Variants in PRKN observed in about 807,000 individuals in gnomAD.
The protein encoded by PRKN is parkin RBR E3 ubiquitin protein ligase, also known as E3 ubiquitin-protein ligase parkin.
A neutral mutation model predicts 59.5 loss-of-function variants in PRKN; 56 were observed. That is an observed-to-expected ratio of 0.94 (90% CI 0.76 to 1.18). The LOEUF is 1.18. PRKN is among the 50% of genes most tolerant of loss of function. The pLI, the probability that PRKN is intolerant of heterozygous loss-of-function variation, is 0.00. For synonymous variants in PRKN, 250 were observed against 222.1 expected (o/e 1.13, Z -1.12); for missense variants, 657 against 596.4 (o/e 1.10, Z -1.06).
chr6:161,973,386 G>A lies in PRKN; in HGVS notation c.650C>T (p.Thr217Ile). The change falls in exon 6 of 12, where the codon ACC becomes ATC. Residue 217 changes from threonine (T) to isoleucine (I), a missense_variant. Coordinates refer to ENST00000366898, the MANE Select transcript of PRKN (RefSeq NM_004562.3). ...EFFFKCGAHP[T>I]SDKETSVALH... is the part of the protein sequence containing the mutation. ...AGCTACTGATGTTTCCTTGTCAGAG[G>A]TGGGGTGTGCTCCACATTTAAAGAA... 6.2e-7 allele frequency: 1 copy of A among 1,613,372 alleles called. No individual in the cohort carries two copies. Among genetic ancestry groups the A allele is most frequent in the South Asian group, 1.1e-5 (1 of 91,058 alleles).
At chr6:161,875,329 G>C (rs963507535) in intron 6 of PRKN, among the ~76,000 whole-genome samples, 4 of 151,070 alleles carry the variant, frequency 2.6e-5, no homozygotes, top group Non-Finnish European at 5.9e-5. Context: ...CAGTAGCTGG[G>C]ATTACATGTG....
chr6:161,865,240 T>C (rs1276461102), intron 6 of PRKN, among the ~76,000 whole-genome samples: 1 of 152,186 alleles, frequency 6.6e-6, no homozygotes, highest in Non-Finnish European at 1.5e-5. Context: ...TAAACCATGG[T>C]GTAAACAGAT....
At chr6:161,915,495 T>G (rs1778521042) in intron 6 of PRKN, among the ~76,000 whole-genome samples, 1 of 152,208 alleles carries the variant, frequency 6.6e-6, no homozygotes, top group Non-Finnish European at 1.5e-5. Context: ...TCAAAAAATT[T>G]CAAGCCTTTA....
chr6:162,044,082 T>C (rs1479963649), intron 5 of PRKN, among the ~76,000 whole-genome samples: 1 of 152,226 alleles, frequency 6.6e-6, no homozygotes, highest in African/African-American at 2.4e-5. Flanking sequence ...ATTCACACTT[T>C]GCCAGGGATT....
intron 2 of PRKN, among the ~76,000 whole-genome samples, chr6:162,402,660 CTT>C (rs35383927): frequency 1.0e-3 from 144 of 144,442 alleles, no homozygotes; most frequent in Admixed American, 1.3e-3. Flanking sequence ...CTTTTATTTC[CTT>C]TTTTTTTTTT....
chr6:162,641,108 A>C (rs181230964), intron 1 of PRKN, among the ~76,000 whole-genome samples: 1 of 152,152 alleles, frequency 6.6e-6, no homozygotes, highest in African/African-American at 2.4e-5. Flanking sequence ...TAAAATATTT[A>C]AAAAAATGAA....
intron 7 of PRKN, among the ~76,000 whole-genome samples, chr6:161,738,417 G>A (rs1788054268): frequency 6.6e-6 from 1 of 152,198 alleles, no homozygotes; most frequent in Admixed American, 6.5e-5. Flanking sequence ...TCTTAGTGGT[G>A]AGAGGCTTAG....
intron 4 of PRKN, among the ~76,000 whole-genome samples, chr6:162,100,856 C>G (rs1450146833): frequency 6.6e-6 from 1 of 152,112 alleles, no homozygotes; most frequent in Non-Finnish European, 1.5e-5. Context: ...TTTTCATATA[C>G]CTGTTGGCCA....
intron 2 of PRKN, among the ~76,000 whole-genome samples, chr6:162,333,226 AT>A (rs1256292059): frequency 1.4e-5 from 2 of 148,044 alleles, no homozygotes; most frequent in African/African-American, 4.9e-5. Flanking sequence ...CCACATTAAA[AT>A]CTTTTTTTTT....
intron 3 of PRKN, among the ~76,000 whole-genome samples, chr6:162,213,793 A>C (rs1013342204): frequency 1.4e-5 from 2 of 144,224 alleles, no homozygotes; most frequent in African/African-American, 5.1e-5. Flanking sequence ...AATATTTCCA[A>C]AAAAAAACCA....
At chr6:161,875,671 G>A (rs1583286373) in intron 6 of PRKN, among the ~76,000 whole-genome samples, 2 of 152,104 alleles carry the variant, frequency 1.3e-5, no homozygotes, top group African/African-American at 2.4e-5. Flanking sequence ...GGCTCTGTCC[G>A]TTTTGACACA....
intron 1 of PRKN, among the ~76,000 whole-genome samples, chr6:162,540,785 T>G (rs1329043568): frequency 1.5e-5 from 2 of 137,494 alleles, no homozygotes; most frequent in Non-Finnish European, 3.1e-5. Context: ...CCAGCCTGGG[T>G]GACAAGAGTG....
At chr6:162,535,368 T>C (rs2128198069) in intron 1 of PRKN, among the ~76,000 whole-genome samples, 1 of 152,200 alleles carries the variant, frequency 6.6e-6, no homozygotes, top group East Asian at 1.9e-4. Flanking sequence ...ACTTAATATT[T>C]TGTCCAATGT....
At chr6:161,492,591 G>A (rs993070385) in intron 9 of PRKN, among the ~76,000 whole-genome samples, 23 of 152,170 alleles carry the variant, frequency 1.5e-4, no homozygotes, top group African/African-American at 5.6e-4. Flanking sequence ...CATATTAGGA[G>A]GGCCTTATTA....
Position 161,468,441 on chromosome 6 carries a change from G to A in PRKN, c.1083+80413C>T, listed in dbSNP as rs1583107948. 6.6e-6 allele frequency among the ~76,000 whole-genome samples: 1 copy of A among 152,172 alleles called. No homozygotes were observed. Among genetic ancestry groups the A allele is most frequent in the Admixed American group, 6.5e-5 (1 of 15,284 alleles). On this transcript the variant is annotated intron_variant, in intron 9 of 11. Transcript: ENST00000366898. This position sits in a 1 kb window ranked among gnomAD's most constrained non-coding sequence, Gnocchi z 5.9. ...CATAATAAATGTCAAATCCTACAGA[G>A]TATCCTTTAAATGGCAAGGGGGTAC...
chr6:161,711,816 G>T (rs1033970340), intron 7 of PRKN, among the ~76,000 whole-genome samples: 3 of 152,146 alleles, frequency 2.0e-5, no homozygotes, highest in African/African-American at 7.2e-5. Flanking sequence ...GATGCCTTTT[G>T]CCCTCAAACA....
At chr6:162,207,953 C>T (rs116253613) in intron 3 of PRKN, among the ~76,000 whole-genome samples, 2,093 of 152,282 alleles carry the variant, frequency 0.014, 53 homozygotes, top group African/African-American at 0.046. Flanking sequence ...CATTCAATAT[C>T]TAGAACATCT....
At chr6:161,415,441 A>G (rs1273801349) in intron 9 of PRKN, among the ~76,000 whole-genome samples, 6 of 152,124 alleles carry the variant, frequency 3.9e-5, no homozygotes, top group Non-Finnish European at 8.8e-5. Context: ...AGTAGTAAGC[A>G]TGTGCCGAAC....
chr6:161,702,177 C>A (rs1199173751), intron 7 of PRKN, among the ~76,000 whole-genome samples: 1 of 151,986 alleles, frequency 6.6e-6, no homozygotes, highest in Non-Finnish European at 1.5e-5. Flanking sequence ...AGATTAGGTT[C>A]TATAATAGTA....
Sources: gnomAD v4.1 joint callset for allele counts (sites outside exome capture counted in the v4.1 genomes callset) on GRCh38, gnomAD v4.1.1 for gene constraint, Gnocchi (gnomAD v3.1) non-coding constraint, MANE v1.5 for transcripts, NCBI Gene and HGNC (gene_info 2026-07-23, HGNC 2026-07-21) for gene names.